TMPO: variants seen among roughly 807,000 people sequenced by gnomAD.
The protein encoded by TMPO is thymopoietin, also known as LEM domain containing 4.
Under a neutral mutation model 45.4 loss-of-function variants are expected in TMPO, and 22 were observed. That is an observed-to-expected ratio of 0.48 (90% confidence interval 0.35 to 0.69). The LOEUF (loss-of-function observed/expected upper bound fraction) is 0.69, where lower values mean the gene tolerates loss of function less well. Among genes scored for constraint, TMPO ranks in the 30% least tolerant of loss-of-function variants. The pLI is 0.01. For missense variants in TMPO, 512 were observed against 548.8 expected, an observed-to-expected ratio of 0.93 and a Z score of 0.67; for synonymous variants, 241 against 204.1, an observed-to-expected ratio of 1.18 and a Z score of -1.54.
chr12:98,526,850 C>G lies in TMPO; in HGVS notation c.280-1036C>G, dbSNP rs141458654. On this transcript the variant is annotated intron_variant, in intron 1 of 8. Transcript: ENST00000556029. ...GCGCACACCTGTACTCTCAGCTACT[C>G]GGGAGGCTGAGGCAGGAGAATCGCT... Among the ~76,000 whole-genome samples the G allele has an allele frequency of 3.4e-3, 521 of 151,964 alleles. 1 individual carries two copies. The highest frequency in any genetic ancestry group is 0.012 in the African/African-American group (493 of 41,450).
At chr12:98,525,842 A>G (rs1381043871) in intron 1 of TMPO, among the ~76,000 whole-genome samples, 1 of 151,936 alleles carries the variant, frequency 6.6e-6, no homozygotes, top group African/African-American at 2.4e-5. Context: ...ATCATGACTG[A>G]TTTTTCCCCC....
intron 4 of TMPO, among the ~76,000 whole-genome samples, chr12:98,543,229 C>T (rs1448544142): frequency 6.6e-6 from 1 of 152,102 alleles, no homozygotes. Flanking sequence ...TAAATATTGG[C>T]GTGAAAGCAA....
intron 8 of TMPO, 35 bp downstream of exon 8, chr12:98,546,482 T>A (rs1225877573): frequency 2.6e-5 from 34 of 1,296,728 alleles, no homozygotes; most frequent in Non-Finnish European, 3.6e-5. Flanking sequence ...ACTAGTGTAT[T>A]CTAGTAGGGA....
chr12:98,525,738 CA>C (rs34394677), intron 1 of TMPO, among the ~76,000 whole-genome samples: 38,693 of 95,642 alleles, frequency 0.4, 4,685 homozygotes, highest in Middle Eastern at 0.49. Flanking sequence ...GGCACAGTCT[CA>C]AAAAAAAAAA....
chr12:98,516,306 AG>A (rs1875812929), intron 1 of TMPO, 160 bp downstream of exon 1: 2 of 1,233,244 alleles, frequency 1.6e-6, no homozygotes, highest in Non-Finnish European at 1.0e-6. Flanking sequence ...GCGGGGCTGC[AG>A]GCGCCGGAGC....
intron 1 of TMPO, among the ~76,000 whole-genome samples, chr12:98,523,621 T>TCTTTGTTCA (rs1456974349): frequency 6.6e-6 from 1 of 152,160 alleles, no homozygotes; most frequent in Non-Finnish European, 1.5e-5. Flanking sequence ...ATTTAAGATA[T>TCTTTGTTCA]CTTTGTTCAG....
intron 2 of TMPO, among the ~76,000 whole-genome samples, chr12:98,528,381 A>G (rs1592939857): frequency 6.6e-6 from 1 of 150,840 alleles, no homozygotes; most frequent in East Asian, 2.0e-4. Flanking sequence ...GGTTCATGCC[A>G]TTCTCCTGCC....
intron 1 of TMPO, among the ~76,000 whole-genome samples, chr12:98,526,733 G>A (rs1168563739): frequency 6.6e-6 from 1 of 152,162 alleles, no homozygotes; most frequent in Non-Finnish European, 1.5e-5. Flanking sequence ...GCTGAGGTGG[G>A]CAGATAACGA....
rs1045343983 is a variant in TMPO at position 98,549,463 on chromosome 12, G to A, written c.*1605G>A. The A allele has an allele frequency of 1.3e-5, 2 of 152,056 alleles. No homozygotes were observed. Among genetic ancestry groups the A allele is most frequent in the South Asian group, 2.1e-4 (1 of 4,826 alleles). The allele number at this position is 152,056 out of a possible 1,614,324, so 9.4% of individuals were successfully genotyped here. On this transcript the variant is annotated 3_prime_UTR_variant, in exon 9 of 9. Transcript: ENST00000556029. ...AGGTGTGATCCACTGCACCCGGCCGGCATTATGATTTTGTGTACTCTTGAA... is the reference window on the plus strand; with the variant it reads ...AGGTGTGATCCACTGCACCCGGCCGACATTATGATTTTGTGTACTCTTGAA...
In TMPO at chr12:98,521,100, A is replaced by ATTTTTTTTTTTTTTTTTTTT. The variant is rs398044704; in HGVS notation, c.279+4960_279+4979dup. On this transcript the variant is annotated intron_variant, in intron 1 of 8. Coordinates refer to ENST00000556029, the MANE Select transcript of TMPO (RefSeq NM_001032283.3). Reference sequence around the variant, plus strand: ...CTATTTAATCATGGGTTTATGAGGAATTTTTTTTTTTTTTTTTTTTTTTTT... The same window carrying ATTTTTTTTTTTTTTTTTTTT: ...CTATTTAATCATGGGTTTATGAGGAATTTTTTTTTTTTTTTTTTTTTTTTTTTTTTTTTTTTTTTTTTTTT... Among the ~76,000 whole-genome samples the ATTTTTTTTTTTTTTTTTTTT allele has an allele frequency of 5.2e-4, 40 of 76,772 alleles. 6 individuals are homozygous for ATTTTTTTTTTTTTTTTTTTT. The highest frequency in any genetic ancestry group is 7.9e-4 in the Non-Finnish European group (33 of 41,850). 50.4% of individuals were successfully genotyped at this position (76,772 alleles called of 152,430 possible).
intron 1 of TMPO, among the ~76,000 whole-genome samples, chr12:98,516,886 C>T (rs1204025206): frequency 6.6e-6 from 1 of 152,104 alleles, no homozygotes; most frequent in Non-Finnish European, 1.5e-5. Context: ...CTCGGCTCAC[C>T]GCAACCTCCA....
chr12:98,544,650 T>A (rs1878114519), intron 6 of TMPO, 113 bp downstream of exon 6: 2 of 918,900 alleles, frequency 2.2e-6, no homozygotes, highest in Admixed American at 2.6e-5. Context: ...TTTTTTTTTT[T>A]AACAATTTTA....
At position 98,533,974 on chromosome 12, in the gene TMPO, T is replaced by G. The variant is rs1024606476; in HGVS notation, c.565+2136T>G. The G allele has an allele frequency of 2.5e-6, 4 of 1,610,422 alleles. No homozygotes were observed. In the African/African-American group the frequency reaches 5.3e-5, roughly 22 times the overall value. On this transcript the variant is annotated intron_variant, in intron 3 of 8. Coordinates refer to ENST00000556029, the MANE Select transcript of TMPO (RefSeq NM_001032283.3). ...GTTGGACTTAGCACTCTGTAGAGCATATGAAGCTGCAGCATCAGCATTGCA... is the reference window on the plus strand; with the variant it reads ...GTTGGACTTAGCACTCTGTAGAGCAGATGAAGCTGCAGCATCAGCATTGCA...
chr12:98,534,935 G>A (rs1877481115), intron 3 of TMPO: 1 of 940,974 alleles, frequency 1.1e-6, no homozygotes, highest in Non-Finnish European at 1.3e-6. Context: ...GGCAAGATAA[G>A]CATGCACAAG....
chr12:98,526,539 T>TC (rs1017654013), intron 1 of TMPO, among the ~76,000 whole-genome samples: 5 of 152,338 alleles, frequency 3.3e-5, no homozygotes, highest in East Asian at 1.9e-4. Flanking sequence ...GTCTTTTTTT[T>TC]CCCCAAGTAT....
intron 1 of TMPO, among the ~76,000 whole-genome samples, chr12:98,517,484 C>T (rs143111062): frequency 1.9e-3 from 296 of 152,338 alleles, no homozygotes; most frequent in South Asian, 3.9e-3. Context: ...GGAATGATCA[C>T]TAGTTTAAAC....
At position 98,533,332 on chromosome 12, in the gene TMPO, G is replaced by A. The variant is rs1348449396; in HGVS notation, c.565+1494G>A. ...ATCGCCTCTCTCCAGTAAAAGGAAAGCACTAGAAGAGTCTGAGAGCTCACA... is the reference window on the plus strand; with the variant it reads ...ATCGCCTCTCTCCAGTAAAAGGAAAACACTAGAAGAGTCTGAGAGCTCACA... On this transcript the variant is annotated intron_variant, in intron 3 of 8. Transcript: ENST00000556029. 6.2e-7 allele frequency: 1 copy of A among 1,614,080 alleles called. No homozygotes were observed. Among genetic ancestry groups the A allele is most frequent in the Admixed American group, 1.7e-5 (1 of 60,002 alleles).
chr12:98,537,651 G>C (rs749306118), intron 4 of TMPO, 79 bp downstream of exon 4: 27 of 1,060,050 alleles, frequency 2.5e-5, no homozygotes, highest in Non-Finnish European at 3.2e-5. Flanking sequence ...AGCCTTTAAT[G>C]GTTGACACCC....
intron 3 of TMPO, chr12:98,532,266 T>C (rs892182365): frequency 2.2e-4 from 36 of 163,266 alleles, no homozygotes; most frequent in Non-Finnish European, 6.7e-5. Context: ...GAATAAAAAA[T>C]TTATATAAAC....
Sources: allele counts gnomAD v4.1 joint callset (sites outside exome capture counted in the v4.1 genomes callset), GRCh38; gene constraint gnomAD v4.1.1; transcripts MANE v1.5; gene names NCBI Gene and HGNC (gene_info 2026-07-23, HGNC 2026-07-21).